Variants in UNC13C observed in about 807,000 individuals in gnomAD.
UNC13C encodes protein unc-13 homolog C.
Under a neutral mutation model 245.4 loss-of-function variants are expected in UNC13C, and 174 were observed. The ratio of observed to expected loss-of-function variants is 0.71; its 90% CI spans 0.63 to 0.80. UNC13C has a LOEUF of 0.80. UNC13C is among the 30% of genes least tolerant of loss of function. The pLI is 0.00. For synonymous variants in UNC13C, 992 were observed against 895.1 expected (o/e 1.11, Z -1.93); for missense variants, 2,829 against 2,602.9 (o/e 1.09, Z -1.89).
chr15:54,126,890 G>A (rs191756785), intron 2 of UNC13C, among the ~76,000 whole-genome samples: 58 of 152,272 alleles, frequency 3.8e-4, no homozygotes, highest in African/African-American at 1.3e-3. Flanking sequence ...CAAAGAGTGG[G>A]TGAAGGATAT....
chr15:53,870,921 G>A, the UNC13C span, among the ~76,000 whole-genome samples: 8 of 152,110 alleles, frequency 5.3e-5, no homozygotes, highest in Admixed American at 6.5e-5. Context: ...CAAGACCAAG[G>A]CCTGCCCAGT....
intron 19 of UNC13C, among the ~76,000 whole-genome samples, chr15:54,419,948 G>T (rs1278547268): frequency 6.6e-6 from 1 of 151,994 alleles, no homozygotes; most frequent in African/African-American, 2.4e-5. Context: ...AGACTAAAAG[G>T]CTGAGACTGG....
intron 24 of UNC13C, among the ~76,000 whole-genome samples, chr15:54,522,697 G>A (rs1017701846): frequency 2.0e-5 from 3 of 152,056 alleles, no homozygotes; most frequent in African/African-American, 7.2e-5. Context: ...TCGTAGAGTG[G>A]GGAATTAAAT....
In UNC13C at chr15:54,552,503, AATTATAT is replaced by A. The variant is rs1321822302; in HGVS notation, c.5877+2829_5877+2835del. Among the ~76,000 whole-genome samples, 22 of 30,372 alleles carry A rather than the reference AATTATAT, an allele frequency of 7.2e-4. 1 individual carries two copies. Among genetic ancestry groups the A allele is most frequent in the South Asian group, 1.2e-3 (1 of 848 alleles). The allele number at this position is 30,372 out of a possible 152,430, so 19.9% of individuals were successfully genotyped here. On this transcript the variant is annotated intron_variant, in intron 28 of 32. Coordinates refer to ENST00000260323, the MANE Select transcript of UNC13C (RefSeq NM_001080534.3). ...TATAATTATATATTATATTATATATAATTATATATTATATATTATATATAATAATATA... is the reference window on the plus strand; with the variant it reads ...TATAATTATATATTATATTATATATAATTATATATTATATATAATAATATA...
chr15:54,044,982 A>T (rs1402969716), intron 2 of UNC13C, among the ~76,000 whole-genome samples: 1 of 152,080 alleles, frequency 6.6e-6, no homozygotes, highest in Non-Finnish European at 1.5e-5. Flanking sequence ...CAAGTCCCTT[A>T]TGCCATATGT....
chr15:54,397,552 T>A (rs1470204415), intron 18 of UNC13C, among the ~76,000 whole-genome samples: 2 of 151,506 alleles, frequency 1.3e-5, no homozygotes, highest in African/African-American at 4.8e-5. Flanking sequence ...TTTGTCAATT[T>A]CTACAAGAAA....
At chr15:54,548,498 G>T (rs1419641196) in intron 27 of UNC13C, among the ~76,000 whole-genome samples, 1 of 152,016 alleles carries the variant, frequency 6.6e-6, no homozygotes, top group African/African-American at 2.4e-5. Context: ...CCTGCTAGCT[G>T]TCCAAGCCAT....
At chr15:54,150,654 ATC>A (rs1193359794) in intron 4 of UNC13C, among the ~76,000 whole-genome samples, 1 of 152,176 alleles carries the variant, frequency 6.6e-6, no homozygotes, top group Non-Finnish European at 1.5e-5. Flanking sequence ...AGCACTTGAT[ATC>A]TTCTCTACTT....
chr15:54,074,369 T>G (rs1040632760), intron 2 of UNC13C, among the ~76,000 whole-genome samples: 1 of 152,214 alleles, frequency 6.6e-6, no homozygotes, highest in African/African-American at 2.4e-5. Context: ...GGGCTCTTTT[T>G]GGTTCCATAT....
At chr15:54,619,119 A>G (rs1250448666) in intron 30 of UNC13C, among the ~76,000 whole-genome samples, 1 of 152,148 alleles carries the variant, frequency 6.6e-6, no homozygotes, top group East Asian at 1.9e-4. Flanking sequence ...GACTACGACA[A>G]TCCACCAGCA....
At chr15:54,471,203 A>G (rs971269777) in intron 19 of UNC13C, among the ~76,000 whole-genome samples, 1 of 151,480 alleles carries the variant, frequency 6.6e-6, no homozygotes, top group African/African-American at 2.4e-5. Context: ...AATATTCTGA[A>G]TATGTGTGTT....
chr15:54,041,923 G>C (rs1896821515), intron 2 of UNC13C, among the ~76,000 whole-genome samples: 1 of 152,188 alleles, frequency 6.6e-6, no homozygotes, highest in South Asian at 2.1e-4. Flanking sequence ...AAGAGGATTA[G>C]TTGATAAGAT....
intron 4 of UNC13C, among the ~76,000 whole-genome samples, chr15:54,226,996 C>A (rs1236762029): frequency 6.6e-6 from 1 of 152,234 alleles, no homozygotes; most frequent in East Asian, 1.9e-4. Context: ...TGTTTCAGCC[C>A]TGTTTATGTT....
rs1401285564 is a variant in UNC13C at position 54,013,356 on chromosome 15, A to T, written c.453A>T (p.Arg151Ser). ...AATCAACACACACAATGCCAGTTAG[A>T]CGCAACAGAAAGAGTTCAAGCAGCC... Reference protein sequence around the residue: ...QAQSTHTMPVRRNRKSSSSLA... With the variant: ...QAQSTHTMPVSRNRKSSSSLA... The change falls in exon 2 of 33, where the codon AGA becomes AGT. Residue 151 changes from arginine (R) to serine (S), a missense_variant. Coordinates refer to ENST00000260323, the MANE Select transcript of UNC13C (RefSeq NM_001080534.3). 6.2e-7 allele frequency: 1 copy of T among 1,613,864 alleles called. No individual in the cohort carries two copies. Among genetic ancestry groups the T allele is most frequent in the Admixed American group, 1.7e-5 (1 of 59,960 alleles).
chr15:53,863,566 G>T, the UNC13C span, among the ~76,000 whole-genome samples: 2 of 152,186 alleles, frequency 1.3e-5, no homozygotes, highest in Non-Finnish European at 2.9e-5. Context: ...TGAAAAAGTG[G>T]AATCCTCAAG....
At chr15:54,592,799 G>A (rs1477599689) in intron 30 of UNC13C, among the ~76,000 whole-genome samples, 2 of 150,084 alleles carry the variant, frequency 1.3e-5, no homozygotes, top group Middle Eastern at 3.5e-3. Context: ...TTTAATGTTA[G>A]TATTGAAATG....
chr15:54,104,047 G>A (rs1245920637), intron 2 of UNC13C, among the ~76,000 whole-genome samples: 1 of 152,180 alleles, frequency 6.6e-6, no homozygotes, highest in South Asian at 2.1e-4. Context: ...CCGGCCACAC[G>A]TAGACCTGTT....
At chr15:54,513,372 A>G (rs1475659467) in intron 24 of UNC13C, among the ~76,000 whole-genome samples, 1 of 152,184 alleles carries the variant, frequency 6.6e-6, no homozygotes, top group Non-Finnish European at 1.5e-5. Flanking sequence ...CTATTTCATT[A>G]CTATTCTGTG....
chr15:54,131,811 C>T (rs763780420), intron 2 of UNC13C, among the ~76,000 whole-genome samples: 38 of 152,124 alleles, frequency 2.5e-4, no homozygotes, highest in Non-Finnish European at 4.3e-4. Flanking sequence ...CAATTGTTTA[C>T]TGTCGCACTC....
Sources: allele counts gnomAD v4.1 joint callset (sites outside exome capture counted in the v4.1 genomes callset), GRCh38; gene constraint gnomAD v4.1.1; transcripts MANE v1.5; gene names NCBI Gene and HGNC (gene_info 2026-07-23, HGNC 2026-07-21).